The following DOCK8 variants were observed in gnomAD, a reference collection of about 807,000 sequenced individuals.
DOCK8 encodes dedicator of cytokinesis protein 8.
In DOCK8, 141 loss-of-function variants were observed where a neutral mutation model predicts 245.6. The observed-to-expected ratio is 0.57, with a 90% CI of 0.50 to 0.66. The LOEUF is 0.66. DOCK8 is among the 30% of genes least tolerant of loss of function. The probability of loss-of-function intolerance (pLI) is 0.00; values close to 1 mark genes in which losing one functional copy is unlikely to be tolerated. For synonymous variants in DOCK8, 1,168 were observed against 970.2 expected, an observed-to-expected ratio of 1.20 and a Z score of -3.79; for missense variants, 2,965 against 2,603.4, an observed-to-expected ratio of 1.14 and a Z score of -3.02.
chr9:226,569 A>T (rs1358741529), intron 1 of DOCK8, among the ~76,000 whole-genome samples: 1 of 152,172 alleles, frequency 6.6e-6, no homozygotes, highest in African/African-American at 2.4e-5. Flanking sequence ...CAGCTCTGGG[A>T]TAACATTCTG....
At chr9:275,698 C>T (rs1194287461) in intron 2 of DOCK8, among the ~76,000 whole-genome samples, 3 of 151,906 alleles carry the variant, frequency 2.0e-5, no homozygotes, top group African/African-American at 7.3e-5. Flanking sequence ...AAGCTATTCT[C>T]CTGCCTCAGC....
At chr9:428,841 T>C (rs1172365353) in intron 35 of DOCK8, among the ~76,000 whole-genome samples, 1 of 152,246 alleles carries the variant, frequency 6.6e-6, no homozygotes, top group Non-Finnish European at 1.5e-5. Flanking sequence ...AAATCCTCTA[T>C]GTGACGCCCA....
intron 1 of DOCK8, among the ~76,000 whole-genome samples, chr9:244,487 G>T (rs142701948): frequency 6.0e-4 from 92 of 152,070 alleles, no homozygotes; most frequent in African/African-American, 2.2e-3. Context: ...TTTCTTCCTA[G>T]TACTTGTCAC....
rs1350678416 is a variant in DOCK8 at position 429,664 on chromosome 9, G to T, written c.4474-38G>T. On this transcript the variant is annotated intron_variant, in intron 35 of 47. Transcript: ENST00000432829. ...AACGGTCCAGAAAGTGTATCAAACT[G>T]CCAAGTGATGCCTAATGGCCCTTTA... 13 of 1,613,412 alleles carry T rather than the reference G, an allele frequency of 8.1e-6. No individual in the cohort carries two copies. The African/African-American group carries it at 1.7e-4, about 22-fold the overall frequency.
intron 11 of DOCK8, 78 bp from the exon 12 acceptor site, chr9:336,504 T>C: frequency 6.3e-7 from 1 of 1,586,000 alleles, no homozygotes; most frequent in Non-Finnish European, 8.6e-7. Context: ...ACTTTAATCA[T>C]ACATATTGTG....
rs535156219 is a variant in DOCK8 at position 241,635 on chromosome 9, C to T, written c.53+26606C>T. On this transcript the variant is annotated intron_variant, in intron 1 of 47. Transcript: ENST00000432829. ...TTATCCATTCATTTATTGTCAGACA[C>T]GTAAGTTGATTCCATATCTTGGCTA... Among the ~76,000 whole-genome samples the T allele has an allele frequency of 4.6e-5, 7 of 152,168 alleles. No homozygotes were observed. The South Asian group carries it at 1.0e-3, about 23-fold the overall frequency.
chr9:405,177 C>A, intron 27 of DOCK8, 104 bp downstream of exon 27: 1 of 1,207,178 alleles, frequency 8.3e-7, no homozygotes, highest in Non-Finnish European at 1.2e-6. Context: ...ATTAATTTGA[C>A]AAAAAATCAA....
chr9:437,813 C>T (rs939521179), intron 39 of DOCK8, among the ~76,000 whole-genome samples: 4 of 152,196 alleles, frequency 2.6e-5, no homozygotes, highest in African/African-American at 4.8e-5. Flanking sequence ...ACTGTAGATA[C>T]GGACACATTC....
At chr9:444,446 A>C (rs1248056959) in intron 43 of DOCK8, among the ~76,000 whole-genome samples, 1 of 152,136 alleles carries the variant, frequency 6.6e-6, no homozygotes, top group Non-Finnish European at 1.5e-5. Flanking sequence ...TCTGGTTACT[A>C]TCAGAGTATT....
intron 3 of DOCK8, 79 bp downstream of exon 3, chr9:286,715 A>G: frequency 7.5e-7 from 1 of 1,325,726 alleles, no homozygotes. Context: ...AGATGCCTTC[A>G]ATCTGAACTT....
intron 5 of DOCK8, among the ~76,000 whole-genome samples, chr9:307,362 T>G (rs1216236983): frequency 1.4e-4 from 9 of 64,056 alleles, no homozygotes; most frequent in South Asian, 7.7e-4. Flanking sequence ...TTTTTTTTTT[T>G]TTTTTTTTTT....
At chr9:271,752 C>T in intron 2 of DOCK8, 23 bp downstream of exon 2, 1 of 1,526,598 alleles carries the variant, frequency 6.6e-7, no homozygotes. Flanking sequence ...TCCAGGTTTA[C>T]TTAGCGATTG....
At chr9:448,653 T>C (rs1339590790) in intron 44 of DOCK8, among the ~76,000 whole-genome samples, 3 of 152,216 alleles carry the variant, frequency 2.0e-5, no homozygotes, top group Non-Finnish European at 4.4e-5. Context: ...CTCTTCTCCC[T>C]GTGTCTCTTC....
intron 2 of DOCK8, chr9:280,748 G>A (rs2130162079): frequency 6.6e-6 from 1 of 152,300 alleles, no homozygotes; most frequent in African/African-American, 2.4e-5. Context: ...AAAAATGTGT[G>A]TGTATGCTAC....
chr9:397,609 G>C (rs962361380), intron 25 of DOCK8, among the ~76,000 whole-genome samples: 1 of 151,590 alleles, frequency 6.6e-6, no homozygotes, highest in African/African-American at 2.4e-5. Context: ...AGAATCGCTT[G>C]AGCCCAGGAG....
At chr9:312,492 C>A in intron 6 of DOCK8, 1 of 482,526 alleles carries the variant, frequency 2.1e-6, no homozygotes, top group East Asian at 5.7e-5. Context: ...TCAAACCATC[C>A]TATTATTTGA....
At chr9:339,640 G>T (rs1443241327) in intron 13 of DOCK8, among the ~76,000 whole-genome samples, 1 of 152,112 alleles carries the variant, frequency 6.6e-6, no homozygotes, top group Admixed American at 6.5e-5. Flanking sequence ...TCAACCTCCC[G>T]AGTAGCTGGG....
At chr9:342,088 A>C (rs1339561387) in intron 14 of DOCK8, among the ~76,000 whole-genome samples, 3 of 152,092 alleles carry the variant, frequency 2.0e-5, no homozygotes, top group Non-Finnish European at 4.4e-5. Context: ...ATTGCAATGT[A>C]ATAATAATAG....
At chr9:307,985 A>G (rs1395633265) in intron 5 of DOCK8, among the ~76,000 whole-genome samples, 1 of 152,242 alleles carries the variant, frequency 6.6e-6, no homozygotes, top group Non-Finnish European at 1.5e-5. Flanking sequence ...GATCTCACTT[A>G]TATGTGGAAG....
Sources: gnomAD v4.1 joint callset for allele counts (sites outside exome capture counted in the v4.1 genomes callset) on GRCh38, gnomAD v4.1.1 for gene constraint, MANE v1.5 for transcripts, NCBI Gene and HGNC (gene_info 2026-07-23, HGNC 2026-07-21) for gene names.